PCCA: variants seen among roughly 807,000 people sequenced by gnomAD.
The protein encoded by PCCA is propionyl-CoA carboxylase subunit alpha.
In PCCA, 74 loss-of-function variants were observed where a neutral mutation model predicts 101.3. The ratio of observed to expected loss-of-function variants is 0.73; its 90% CI spans 0.61 to 0.89. The LOEUF (loss-of-function observed/expected upper bound fraction) is 0.89, where lower values mean the gene tolerates loss of function less well. PCCA is among the 40% of genes least tolerant of loss of function. PCCA has a pLI of 0.00. For synonymous variants in PCCA, 294 were observed against 313.6 expected (o/e 0.94, Z 0.66); for missense variants, 891 against 907.0 (o/e 0.98, Z 0.23).
At chr13:100,386,559 T>A (rs577961094) in intron 19 of PCCA, among the ~76,000 whole-genome samples, 20 of 152,264 alleles carry the variant, frequency 1.3e-4, no homozygotes, top group African/African-American at 4.3e-4. Context: ...TTTTTTGTAT[T>A]TTTAGTACAG....
At chr13:100,201,701 T>G (rs2058502899) in intron 6 of PCCA, among the ~76,000 whole-genome samples, 1 of 151,310 alleles carries the variant, frequency 6.6e-6, no homozygotes, top group African/African-American at 2.4e-5. Context: ...CTACTAAAAA[T>G]ACAAAATTAG....
chr13:100,476,352 C>A (rs73564379), intron 21 of PCCA, among the ~76,000 whole-genome samples: 3,095 of 152,228 alleles, frequency 0.02, 113 homozygotes, highest in African/African-American at 0.071. Flanking sequence ...CTTCAAATAC[C>A]AGTGTTTTAA....
intron 8 of PCCA, among the ~76,000 whole-genome samples, chr13:100,240,773 A>G (rs1309273910): frequency 2.0e-5 from 3 of 152,130 alleles, no homozygotes; most frequent in Non-Finnish European, 4.4e-5. Flanking sequence ...GTTGCATTTC[A>G]GAGTAAATTG....
intron 6 of PCCA, among the ~76,000 whole-genome samples, chr13:100,182,206 C>T (rs1333662503): frequency 1.3e-5 from 2 of 149,502 alleles, no homozygotes; most frequent in Non-Finnish European, 3.0e-5. Flanking sequence ...AAGCGATTCT[C>T]CTGCCTCAGC....
rs200532218 is a variant in PCCA at position 100,441,999 on chromosome 13, T to A, written c.1846-7253T>A. On this transcript the variant is annotated intron_variant, in intron 20 of 23. Transcript: ENST00000376285. ...TCTTTTTCCTTTTTTCTTTTTTTTTTTTTTTTATTTTTGAGACAGAGTCTT... is the reference window on the plus strand; with the variant it reads ...TCTTTTTCCTTTTTTCTTTTTTTTTATTTTTTATTTTTGAGACAGAGTCTT... 2.7e-4 allele frequency among the ~76,000 whole-genome samples: 41 copies of A among 150,162 alleles called. No homozygotes were observed. The Middle Eastern group carries it at 0.01, about 38-fold the overall frequency.
intron 21 of PCCA, among the ~76,000 whole-genome samples, chr13:100,468,555 A>G (rs1252508916): frequency 1.3e-5 from 2 of 152,160 alleles, no homozygotes; most frequent in African/African-American, 2.4e-5. Context: ...GCACTTTTAT[A>G]TTATGGAGAT....
At chr13:100,165,496 A>G (rs1555364344) in intron 6 of PCCA, among the ~76,000 whole-genome samples, 2 of 152,126 alleles carry the variant, frequency 1.3e-5, no homozygotes, top group Non-Finnish European at 2.9e-5. Flanking sequence ...GAGTATTAAT[A>G]TTTTTTCCCC....
intron 18 of PCCA, among the ~76,000 whole-genome samples, chr13:100,346,339 G>A (rs1477719310): frequency 6.6e-6 from 1 of 152,150 alleles, no homozygotes; most frequent in African/African-American, 2.4e-5. Flanking sequence ...AACTGGCTTT[G>A]AGGTGTTCAA....
Position 100,352,610 on chromosome 13 carries a change from T to C in PCCA, c.1643+12351T>C, listed in dbSNP as rs1406177849. ...GGTCTTGCTATGTTACCCAGGCAAG[T>C]CTCGAACTCCTGGGCTCAAGTGATC... On this transcript the variant is annotated intron_variant, in intron 18 of 23. Coordinates refer to ENST00000376285, the MANE Select transcript of PCCA (RefSeq NM_000282.4). Among the ~76,000 whole-genome samples, 6 of 151,882 alleles carry C rather than the reference T, an allele frequency of 4.0e-5. No individual in the cohort carries two copies. In the East Asian group the frequency reaches 9.7e-4, roughly 24 times the overall value.
At chr13:100,201,879 A>C (rs945141620) in intron 6 of PCCA, among the ~76,000 whole-genome samples, 91 of 150,486 alleles carry the variant, frequency 6.0e-4, no homozygotes, top group Non-Finnish European at 9.1e-4. Context: ...AAAAAAAAAA[A>C]AAAAAAAAAC....
intron 21 of PCCA, among the ~76,000 whole-genome samples, chr13:100,476,129 A>G (rs1434950322): frequency 6.6e-6 from 1 of 152,196 alleles, no homozygotes; most frequent in Non-Finnish European, 1.5e-5. Context: ...CATACTGTGC[A>G]GGAAGGTCAT....
intron 18 of PCCA, among the ~76,000 whole-genome samples, chr13:100,367,027 A>G (rs746485594): frequency 2.0e-5 from 3 of 152,236 alleles, no homozygotes; most frequent in Non-Finnish European, 2.9e-5. Flanking sequence ...AAATGAAAAC[A>G]TAACTTGGAA....
At chr13:100,174,749 A>G in intron 6 of PCCA, among the ~76,000 whole-genome samples, 1 of 150,266 alleles carries the variant, frequency 6.7e-6, no homozygotes, top group South Asian at 2.1e-4. Context: ...AAAGAAAAAA[A>G]AAGAAAGAGA....
chr13:100,404,650 C>T (rs1383084535), intron 19 of PCCA, among the ~76,000 whole-genome samples: 1 of 152,172 alleles, frequency 6.6e-6, no homozygotes, highest in Admixed American at 6.5e-5. Context: ...TTCCTTTCTT[C>T]TATCCTTGCA....
At chr13:100,346,009 T>G (rs553795505) in intron 18 of PCCA, among the ~76,000 whole-genome samples, 51 of 152,264 alleles carry the variant, frequency 3.3e-4, no homozygotes, top group African/African-American at 1.1e-3. Context: ...TTTCAAATGA[T>G]TGCTGCTCAT....
chr13:100,175,634 T>C (rs2056164533), intron 6 of PCCA, among the ~76,000 whole-genome samples: 1 of 152,226 alleles, frequency 6.6e-6, no homozygotes, highest in African/African-American at 2.4e-5. Context: ...CATTTCATTG[T>C]GGAGAGGCTG....
intron 18 of PCCA, among the ~76,000 whole-genome samples, chr13:100,363,439 T>C (rs1365108665): frequency 6.6e-6 from 1 of 152,170 alleles, no homozygotes; most frequent in Non-Finnish European, 1.5e-5. Context: ...TAGCTGGTTC[T>C]GTCTACCCCC....
chr13:100,279,186 C>G (rs2152618080), intron 12 of PCCA, among the ~76,000 whole-genome samples: 1 of 152,264 alleles, frequency 6.6e-6, no homozygotes, highest in Middle Eastern at 3.4e-3. Context: ...GTTAAGCGTG[C>G]TATTTTAATA....
At chr13:100,500,083 T>C (rs912398003) in intron 21 of PCCA, among the ~76,000 whole-genome samples, 4 of 152,226 alleles carry the variant, frequency 2.6e-5, no homozygotes, top group African/African-American at 9.6e-5. Flanking sequence ...GGAATCTTAC[T>C]TACCACCCAG....
Sources: gnomAD v4.1 joint callset for allele counts (sites outside exome capture counted in the v4.1 genomes callset) on GRCh38, gnomAD v4.1.1 for gene constraint, MANE v1.5 for transcripts, NCBI Gene and HGNC (gene_info 2026-07-23, HGNC 2026-07-21) for gene names.